The following ZFR variants were observed in gnomAD, a reference collection of about 807,000 sequenced individuals.
ZFR encodes zinc finger RNA-binding protein.
A neutral mutation model predicts 130.7 loss-of-function variants in ZFR; 19 were observed. The ratio of observed to expected loss-of-function variants is 0.15; its 90% CI spans 0.10 to 0.21. The LOEUF (loss-of-function observed/expected upper bound fraction) is 0.21. Ranked by LOEUF, ZFR falls within the 10% of genes least tolerant of loss-of-function variation. The probability of loss-of-function intolerance (pLI) is 1.00; values close to 1 mark genes in which losing one functional copy is unlikely to be tolerated. For synonymous variants in ZFR, 466 were observed against 456.9 expected (o/e 1.02, Z -0.25); for missense variants, 872 against 1,321.5 (o/e 0.66, Z 5.27).
intron 4 of ZFR, among the ~76,000 whole-genome samples, chr5:32,415,856 A>C (rs1753815528): frequency 6.6e-6 from 1 of 152,190 alleles, no homozygotes; most frequent in Non-Finnish European, 1.5e-5. Flanking sequence ...CTAAATTAAT[A>C]ATCACTTGTA....
At chr5:32,411,604 G>A (rs973031000) in intron 5 of ZFR, among the ~76,000 whole-genome samples, 4 of 149,142 alleles carry the variant, frequency 2.7e-5, no homozygotes, top group Admixed American at 6.7e-5. Context: ...TACAAGAATC[G>A]GTTGAACCTG....
chr5:32,397,409 A>T, intron 9 of ZFR, 71 bp from the exon 10 acceptor site: 1 of 1,553,454 alleles, frequency 6.4e-7, no homozygotes, highest in Non-Finnish European at 8.7e-7. Context: ...CCCACATATT[A>T]TTTGATGAAG....
rs567990735 is a variant in ZFR at position 32,415,317 on chromosome 5, C to T, written c.566-130G>A. ...TATAAATTTTATGCCAGCAATTTCT[C>T]CTTAGCAAAAGGCATAAAACTCTTA... is the stretch of plus-strand genomic sequence containing the variant. On this transcript the variant is annotated intron_variant, in intron 4 of 19. Coordinates refer to ENST00000265069, the MANE Select transcript of ZFR (RefSeq NM_016107.5). The T allele has an allele frequency of 3.8e-5, 29 of 760,632 alleles. No homozygotes were observed. In the South Asian group the frequency reaches 5.7e-4, roughly 15 times the overall value. 47.1% of individuals were successfully genotyped at this position (760,632 alleles called of 1,614,324 possible).
At chr5:32,394,947 T>G (rs903054586) in intron 11 of ZFR, among the ~76,000 whole-genome samples, 2 of 152,174 alleles carry the variant, frequency 1.3e-5, no homozygotes, top group African/African-American at 4.8e-5. Flanking sequence ...CACTTAAACA[T>G]ATAACTCTAA....
At chr5:32,397,162 G>A in intron 10 of ZFR, 57 bp downstream of exon 10, 2 of 1,546,596 alleles carry the variant, frequency 1.3e-6, no homozygotes, top group South Asian at 2.5e-5. Flanking sequence ...GAATGCTCTG[G>A]GTGTTTTTGT....
chr5:32,415,511 T>TGTGTGTGC (rs1753802560), intron 4 of ZFR, among the ~76,000 whole-genome samples: 1 of 93,484 alleles, frequency 1.1e-5, no homozygotes, highest in East Asian at 3.1e-4. Context: ...TGTGTGTGTG[T>TGTGTGTGC]GTGTGCGCGC....
intron 2 of ZFR, among the ~76,000 whole-genome samples, chr5:32,442,990 GGAGTTCGA>G (rs1561935467): frequency 7.7e-6 from 1 of 129,772 alleles, no homozygotes; most frequent in Non-Finnish European, 1.7e-5. Context: ...ACTCTGCCCA[GGAGTTCGA>G]GATCAGCCTG....
At chr5:32,435,705 C>T in intron 2 of ZFR, among the ~76,000 whole-genome samples, 1 of 152,118 alleles carries the variant, frequency 6.6e-6, no homozygotes, top group East Asian at 1.9e-4. Context: ...CATGCCTTGC[C>T]CATTTAATGC....
chr5:32,392,045 T>C (rs1427099219), intron 11 of ZFR, among the ~76,000 whole-genome samples: 1 of 152,232 alleles, frequency 6.6e-6, no homozygotes, highest in Non-Finnish European at 1.5e-5. Flanking sequence ...GCAGTGCTTT[T>C]TAGGATTAAC....
intron 2 of ZFR, among the ~76,000 whole-genome samples, chr5:32,436,260 T>C (rs1050338091): frequency 6.9e-6 from 1 of 145,006 alleles, no homozygotes; most frequent in Non-Finnish European, 1.5e-5. Context: ...ACCATTCTCC[T>C]GCCTCGGCCT....
intron 15 of ZFR, among the ~76,000 whole-genome samples, chr5:32,384,265 C>T (rs1374889356): frequency 6.6e-6 from 1 of 152,130 alleles, no homozygotes; most frequent in Non-Finnish European, 1.5e-5. Flanking sequence ...GGAACTGTTT[C>T]TCCAGCAACA....
At chr5:32,405,825 T>C (rs1386065051) in intron 6 of ZFR, among the ~76,000 whole-genome samples, 1 of 152,214 alleles carries the variant, frequency 6.6e-6, no homozygotes, top group Non-Finnish European at 1.5e-5. Flanking sequence ...AAAGAGGGTT[T>C]TATATATCTA....
At chr5:32,356,958 A>G (rs1489306877) in intron 19 of ZFR, among the ~76,000 whole-genome samples, 1 of 152,066 alleles carries the variant, frequency 6.6e-6, no homozygotes, top group Non-Finnish European at 1.5e-5. Flanking sequence ...AAATATTCTC[A>G]CAAGTATGAT....
At chr5:32,360,144 T>C (rs1406518092) in intron 19 of ZFR, among the ~76,000 whole-genome samples, 1 of 152,174 alleles carries the variant, frequency 6.6e-6, no homozygotes, top group Non-Finnish European at 1.5e-5. Flanking sequence ...CTTAACCTAA[T>C]TCAAGGAAAT....
At position 32,439,597 on chromosome 5, in the gene ZFR, T is replaced by C. The variant is rs1754414475; in HGVS notation, c.137+4632A>G. On this transcript the variant is annotated intron_variant, in intron 2 of 19. Coordinates refer to ENST00000265069, the MANE Select transcript of ZFR (RefSeq NM_016107.5). Reference sequence around the variant, plus strand: ...GCAATAGTCAAAATCCACTTACTGCTATGTCCAAGGTTTTTCTAAAGTATA... The same window carrying C: ...GCAATAGTCAAAATCCACTTACTGCCATGTCCAAGGTTTTTCTAAAGTATA... Among the ~76,000 whole-genome samples, 5 of 152,056 alleles carry C rather than the reference T, an allele frequency of 3.3e-5. 1 individual carries two copies. The South Asian group carries it at 1.0e-3, about 32-fold the overall frequency.
In ZFR at chr5:32,355,894, C is replaced by T; in HGVS notation, c.3091G>A (p.Gly1031Ser). 1 of 1,604,792 alleles carries T rather than the reference C, an allele frequency of 6.2e-7. No individual in the cohort carries two copies. The highest frequency in any genetic ancestry group is 2.3e-5 in the East Asian group (1 of 44,210). ...CTCATTTGCGGTAATGGATCCATGC[C>T]TAGAACTTTGTGTATCTGGCGGAAT... is the stretch of plus-strand genomic sequence containing the variant. ...LAFRQIHKVLGMDPLPQMSQR... is the reference protein window; with the variant it reads ...LAFRQIHKVLSMDPLPQMSQR... Residue 1031 changes from glycine to serine, a missense_variant, in exon 20 of 20, where the codon GGC becomes AGC. By Grantham distance (56) the Gly-to-Ser change is moderately conservative. This residue lies in a region of ZFR where 158 missense variants were observed against 264.0 expected (regional missense o/e 0.60). Transcript: ENST00000265069.
intron 19 of ZFR, among the ~76,000 whole-genome samples, chr5:32,361,605 G>C (rs535086119): frequency 6.7e-6 from 1 of 150,152 alleles, no homozygotes; most frequent in African/African-American, 2.4e-5. Context: ...TTCTTACTAA[G>C]CATCAGCCTA....
chr5:32,372,982 A>C (rs1752710344), intron 17 of ZFR, among the ~76,000 whole-genome samples: 1 of 152,242 alleles, frequency 6.6e-6, no homozygotes, highest in South Asian at 2.1e-4. Flanking sequence ...GCAACAAAAA[A>C]ACCCTTTAAA....
At chr5:32,388,698 ATTT>A in intron 12 of ZFR, 24 bp from the exon 13 acceptor site, 1 of 1,561,390 alleles carries the variant, frequency 6.4e-7, no homozygotes. Context: ...AAGTTGCTCA[ATTT>A]AAAAAAAAGT....
Sources: allele counts gnomAD v4.1 joint callset (sites outside exome capture counted in the v4.1 genomes callset), GRCh38; gene constraint gnomAD v4.1.1; regional missense constraint gnomAD v4.1.1; transcripts MANE v1.5; gene names NCBI Gene and HGNC (gene_info 2026-07-23, HGNC 2026-07-21).